The following PTPRN2 variants were observed in gnomAD, a reference collection of about 807,000 sequenced individuals.
PTPRN2 encodes protein tyrosine phosphatase receptor type N2.
A neutral mutation model predicts 118.8 loss-of-function variants in PTPRN2; 74 were observed. That is an observed-to-expected ratio of 0.62 (90% CI 0.52 to 0.76). The LOEUF is 0.76. PTPRN2 is among the 30% of genes least tolerant of loss of function. The pLI, the probability that PTPRN2 is intolerant of heterozygous loss-of-function variation, is 0.00. For synonymous variants in PTPRN2, 641 were observed against 608.0 expected, an observed-to-expected ratio of 1.05 and a Z score of -0.80; for missense variants, 1,481 against 1,394.4, an observed-to-expected ratio of 1.06 and a Z score of -0.99.
intron 1 of PTPRN2, among the ~76,000 whole-genome samples, chr7:158,518,569 T>C (rs1823741873): frequency 1.3e-5 from 2 of 152,030 alleles, no homozygotes; most frequent in African/African-American, 4.8e-5. Context: ...ACAGAGGATA[T>C]AAACAGATTA....
intron 12 of PTPRN2, among the ~76,000 whole-genome samples, chr7:157,826,546 C>T (rs1011456880): frequency 1.4e-5 from 2 of 144,870 alleles, no homozygotes; most frequent in Non-Finnish European, 3.0e-5. Context: ...GCCATTTCCA[C>T]GCGTGCTGTG....
intron 4 of PTPRN2, among the ~76,000 whole-genome samples, chr7:158,193,653 G>A (rs1825959912): frequency 6.6e-6 from 1 of 152,004 alleles, no homozygotes; most frequent in South Asian, 2.1e-4. Flanking sequence ...GGCCTCCCTA[G>A]GGATGGGCAT....
chr7:158,199,333 T>G (rs193240690), intron 4 of PTPRN2, among the ~76,000 whole-genome samples: 346 of 152,322 alleles, frequency 2.3e-3, no homozygotes, highest in African/African-American at 7.9e-3. Context: ...CACTCATACC[T>G]ACTGCTTTGC....
intron 12 of PTPRN2, among the ~76,000 whole-genome samples, chr7:157,828,474 T>C (rs1466884784): frequency 6.6e-6 from 1 of 152,094 alleles, no homozygotes; most frequent in African/African-American, 2.4e-5. Flanking sequence ...ATCCGTGTCA[T>C]CAGCACCAAG....
At chr7:157,884,034 T>C (rs896580706) in intron 12 of PTPRN2, among the ~76,000 whole-genome samples, 1 of 151,128 alleles carries the variant, frequency 6.6e-6, no homozygotes, top group Non-Finnish European at 1.5e-5. Flanking sequence ...CCAAAATGAC[T>C]GTCGAAAACC....
chr7:157,738,679 C>T (rs1800450088), intron 12 of PTPRN2, among the ~76,000 whole-genome samples: 1 of 152,208 alleles, frequency 6.6e-6, no homozygotes, highest in East Asian at 1.9e-4. Context: ...CAGGAGAAAT[C>T]AGAGCTCTGT....
At chr7:157,898,112 C>T (rs978802989) in intron 12 of PTPRN2, among the ~76,000 whole-genome samples, 1 of 151,954 alleles carries the variant, frequency 6.6e-6, no homozygotes, top group Non-Finnish European at 1.5e-5. Flanking sequence ...GGTTTGGACA[C>T]ACAGGGGCTT....
intron 12 of PTPRN2, among the ~76,000 whole-genome samples, chr7:157,686,278 T>G (rs560788481): frequency 6.6e-6 from 1 of 152,310 alleles, no homozygotes; most frequent in African/African-American, 2.4e-5. Flanking sequence ...CACCCAGCGC[T>G]GAGCAGGAGG....
chr7:158,134,123 C>A, intron 8 of PTPRN2, 64 bp from the exon 9 acceptor site: 1 of 1,538,106 alleles, frequency 6.5e-7, no homozygotes, highest in South Asian at 1.2e-5. Context: ...CACATGCAAT[C>A]AAGGGCTGCC....
chr7:157,580,520 C>A (rs1202585466), intron 17 of PTPRN2, among the ~76,000 whole-genome samples: 2 of 146,080 alleles, frequency 1.4e-5, no homozygotes, highest in African/African-American at 5.1e-5. Flanking sequence ...CCTGCACACC[C>A]CAGCACCTGC....
Position 157,730,092 on chromosome 7 carries a change from G to C in PTPRN2, c.1789-47155C>G, listed in dbSNP as rs145192817. Among the ~76,000 whole-genome samples, 513 of 152,156 alleles carry C rather than the reference G, an allele frequency of 3.4e-3. 3 individuals are homozygous for C. Among genetic ancestry groups the C allele is most frequent in the African/African-American group, 0.011 (467 of 41,528 alleles). On this transcript the variant is annotated intron_variant, in intron 12 of 22. Transcript: ENST00000389418. ...GGCTTATAGGGTAAAGTCCACATTC[G>C]CATAAAATTTTAACCAAGTAGGGAC...
rs1316335718 is a variant in PTPRN2 at position 157,609,017 on chromosome 7, G to A, written c.2345-4942C>T. 6.6e-6 allele frequency among the ~76,000 whole-genome samples: 1 copy of A among 152,206 alleles called. No homozygotes were observed. Among genetic ancestry groups the A allele is most frequent in the Non-Finnish European group, 1.5e-5 (1 of 68,036 alleles). ...CCTATAACTGAGTTAATGTCATTGG[G>A]TTAAATTAACCCACTGTGCACGTTC... On this transcript the variant is annotated intron_variant, in intron 15 of 22. Transcript: ENST00000389418. The surrounding 1 kb of genome is among the most constrained non-coding windows in gnomAD (Gnocchi z 4.9).
At chr7:158,071,645 C>CCTG (rs1811752801) in intron 11 of PTPRN2, among the ~76,000 whole-genome samples, 2 of 79,194 alleles carry the variant, frequency 2.5e-5, no homozygotes, top group African/African-American at 4.5e-5. Flanking sequence ...TGGAGATGCT[C>CCTG]GTGGTGATGG....
intron 11 of PTPRN2, among the ~76,000 whole-genome samples, chr7:158,056,239 G>T (rs1003646408): frequency 6.6e-6 from 1 of 152,154 alleles, no homozygotes; most frequent in Non-Finnish European, 1.5e-5. Context: ...CCCAGACAAG[G>T]TCAGATCTCC....
At chr7:158,492,220 C>G (rs930447332) in intron 1 of PTPRN2, among the ~76,000 whole-genome samples, 3 of 152,188 alleles carry the variant, frequency 2.0e-5, no homozygotes, top group African/African-American at 7.2e-5. Context: ...CGTCCCTGGT[C>G]CCGGCTCTGG....
rs938347671 is a variant in PTPRN2 at position 157,868,015 on chromosome 7, G to T, written c.1788+30658C>A. Among the ~76,000 whole-genome samples, 3 of 152,218 alleles carry T rather than the reference G, an allele frequency of 2.0e-5. No individual in the cohort carries two copies. Among genetic ancestry groups the T allele is most frequent in the African/African-American group, 7.2e-5 (3 of 41,466 alleles). ...GACAGCAGGCCTCCTGAGCCCTGGAGATTAACTCACTGCCGCAGGTAGGAT... is the reference window on the plus strand; with the variant it reads ...GACAGCAGGCCTCCTGAGCCCTGGATATTAACTCACTGCCGCAGGTAGGAT... On this transcript the variant is annotated intron_variant, in intron 12 of 22. Transcript: ENST00000389418. This position sits in a 1 kb window ranked among gnomAD's most constrained non-coding sequence, Gnocchi z 5.2.
intron 1 of PTPRN2, among the ~76,000 whole-genome samples, chr7:158,560,875 T>C (rs1359255239): frequency 6.6e-6 from 1 of 152,256 alleles, no homozygotes; most frequent in African/African-American, 2.4e-5. Context: ...TTAAAAAACC[T>C]AAAGCAACGC....
At chr7:158,503,958 G>C (rs912493497) in intron 1 of PTPRN2, among the ~76,000 whole-genome samples, 1 of 150,916 alleles carries the variant, frequency 6.6e-6, no homozygotes, top group Non-Finnish European at 1.5e-5. Context: ...CCACACTCCA[G>C]CCTGGGGGAC....
intron 12 of PTPRN2, among the ~76,000 whole-genome samples, chr7:157,807,785 G>A (rs549893957): frequency 9.2e-5 from 14 of 152,336 alleles, no homozygotes; most frequent in South Asian, 2.1e-4. Flanking sequence ...ACTCTGGCCC[G>A]GAAGTGGTTC....
Sources: allele counts gnomAD v4.1 joint callset (sites outside exome capture counted in the v4.1 genomes callset), GRCh38; gene constraint gnomAD v4.1.1; non-coding constraint Gnocchi (gnomAD v3.1); transcripts MANE v1.5; gene names NCBI Gene and HGNC (gene_info 2026-07-23, HGNC 2026-07-21).